Variants in KY observed in about 807,000 individuals in gnomAD.
The protein encoded by KY is kyphoscoliosis peptidase.
KY carries 43 observed loss-of-function variants against 76.1 expected under a neutral mutation model. That is an observed-to-expected ratio of 0.57 (90% CI 0.44 to 0.73). The LOEUF (loss-of-function observed/expected upper bound fraction) is 0.73, where lower values mean the gene tolerates loss of function less well. Ranked by LOEUF, KY falls within the 30% of genes least tolerant of loss-of-function variation. The pLI, the probability that KY is intolerant of heterozygous loss-of-function variation, is 0.00. For synonymous variants in KY, 277 were observed against 326.2 expected (o/e 0.85, Z 1.63); for missense variants, 722 against 828.9 (o/e 0.87, Z 1.58).
At chr3:134,613,051 C>G (rs1960818749) in intron 8 of KY, 1 of 154,278 alleles carries the variant, frequency 6.5e-6, no homozygotes, top group South Asian at 2.0e-4. Flanking sequence ...ATATCACTTT[C>G]TAGGATGATG....
chr3:134,626,571 C>G (rs530414247), intron 5 of KY, among the ~76,000 whole-genome samples: 1 of 152,292 alleles, frequency 6.6e-6, no homozygotes, highest in African/African-American at 2.4e-5. Context: ...TTTGCCCACA[C>G]GTCGTCAGGG....
intron 1 of KY, among the ~76,000 whole-genome samples, chr3:134,647,890 G>T (rs765111274): frequency 8.5e-5 from 13 of 152,282 alleles, no homozygotes; most frequent in South Asian, 2.1e-4. Context: ...GATATAGAGT[G>T]GGGGGAGTGG....
chr3:134,630,096 A>G (rs1344526172), intron 3 of KY, among the ~76,000 whole-genome samples: 2 of 152,268 alleles, frequency 1.3e-5, no homozygotes, highest in Non-Finnish European at 2.9e-5. Flanking sequence ...ACTTAAAGGC[A>G]TTCCCAAACC....
chr3:134,638,814 C>T (rs1273235645), intron 3 of KY, among the ~76,000 whole-genome samples: 3 of 152,238 alleles, frequency 2.0e-5, no homozygotes, highest in Non-Finnish European at 4.4e-5. Flanking sequence ...CTCAGAACAC[C>T]TAACGCAGTA....
chr3:134,645,221 G>C lies in KY; in HGVS notation c.200-1843C>G, dbSNP rs571148888. On this transcript the variant is annotated intron_variant, in intron 2 of 10. Transcript: ENST00000423778. ...CCGTTGCTGGGCAAGCTATTGGGGT[G>C]GGGTAGGAGGGTGAGGAGGCGGCTG... Among the ~76,000 whole-genome samples, 32 of 152,306 alleles carry C rather than the reference G, an allele frequency of 2.1e-4. No individual in the cohort carries two copies. In the East Asian group the frequency reaches 6.2e-3, roughly 29 times the overall value.
chr3:134,645,707 C>A (rs1301306535), intron 2 of KY, among the ~76,000 whole-genome samples: 2 of 152,154 alleles, frequency 1.3e-5, no homozygotes, highest in Non-Finnish European at 2.9e-5. Flanking sequence ...TCTGTCCAGC[C>A]CTGCATTTAC....
chr3:134,623,838 C>G (rs760672755), intron 6 of KY, among the ~76,000 whole-genome samples: 13 of 152,066 alleles, frequency 8.5e-5, no homozygotes, highest in Non-Finnish European at 1.8e-4. Flanking sequence ...CCTCCCTGGA[C>G]CTTCCAGAAC....
rs534100293 is a variant in KY, at chr3:134,602,463, G to C, written c.*1116C>G. On this transcript the variant is annotated 3_prime_UTR_variant, in exon 11 of 11. Coordinates refer to ENST00000423778, the MANE Select transcript of KY (RefSeq NM_178554.6). ...GGAGACGGGATAGGATGTTTTCTCC[G>C]AGACAGGCACAAAAGCTGCTCTCGT... is the stretch of plus-strand genomic sequence containing the variant. Among the ~76,000 whole-genome samples the C allele has an allele frequency of 6.6e-5, 10 of 152,280 alleles. No homozygotes were observed. Among genetic ancestry groups the C allele is most frequent in the South Asian group, 2.1e-4 (1 of 4,824 alleles).
In KY at chr3:134,603,789, G is replaced by A. The variant is rs753076111; in HGVS notation, c.1776C>T (p.Asn592=). Residue 592 remains asparagine (N), a synonymous_variant, in exon 11 of 11, where the codon AAC becomes AAT. Transcript: ENST00000423778. ...GCTTCAATTTGAATGGGACATTCCGGTTGGCAGGAAGCACACCTGACAGAG... is the reference window on the plus strand; with the variant it reads ...GCTTCAATTTGAATGGGACATTCCGATTGGCAGGAAGCACACCTGACAGAG... ...LEPLSGVLPA[N]RNVPFKLKLH... is the part of the protein sequence containing the mutation. 2 of 1,613,276 alleles carry A rather than the reference G, an allele frequency of 1.2e-6. No individual in the cohort carries two copies. Among genetic ancestry groups the A allele is most frequent in the Non-Finnish European group, 1.7e-6 (2 of 1,179,414 alleles).
At chr3:134,608,167 T>C (rs1055617659) in intron 10 of KY, 3 of 1,160,948 alleles carry the variant, frequency 2.6e-6, no homozygotes, top group Non-Finnish European at 3.2e-6. Context: ...AGGCCATGTA[T>C]TCTCTCCAGC....
At chr3:134,628,940 G>A (rs965169866) in intron 4 of KY, among the ~76,000 whole-genome samples, 2 of 152,202 alleles carry the variant, frequency 1.3e-5, no homozygotes, top group Non-Finnish European at 2.9e-5. Context: ...TTGGCTCACT[G>A]CATGGACCTA....
chr3:134,616,071 A>G (rs1577647416), intron 8 of KY, among the ~76,000 whole-genome samples: 1 of 152,248 alleles, frequency 6.6e-6, no homozygotes, highest in African/African-American at 2.4e-5. Context: ...ACTCAAGAGC[A>G]GCAGTCTGGG....
chr3:134,619,651 G>C (rs1261114759), intron 7 of KY, among the ~76,000 whole-genome samples: 1 of 152,196 alleles, frequency 6.6e-6, no homozygotes, highest in Admixed American at 6.5e-5. Flanking sequence ...GGGGCACACA[G>C]AGCTCGTCTC....
chr3:134,640,732 T>A (rs1275617021), intron 3 of KY, among the ~76,000 whole-genome samples: 1 of 152,192 alleles, frequency 6.6e-6, no homozygotes, highest in Non-Finnish European at 1.5e-5. Flanking sequence ...AACCTGCTCT[T>A]CCTGCATCTC....
intron 3 of KY, among the ~76,000 whole-genome samples, chr3:134,635,130 C>A (rs1964749755): frequency 6.6e-6 from 1 of 152,196 alleles, no homozygotes; most frequent in Non-Finnish European, 1.5e-5. Context: ...TTCATAATCA[C>A]CCTGAACTGG....
Position 134,604,484 on chromosome 3 carries a change from G to T in KY, c.1091-10C>A. 6.3e-7 allele frequency: 1 copy of T among 1,595,064 alleles called. No individual in the cohort carries two copies. The highest frequency in any genetic ancestry group is 8.6e-7 in the Non-Finnish European group (1 of 1,168,714). ...GTGGCCTTCCCATTCACTGAGGAGA[G>T]AAAGTCAGGGTCAGCAGAGATGGGT... On this transcript the variant is annotated splice_polypyrimidine_tract_variant and intron_variant, in intron 10 of 10. Coordinates refer to ENST00000423778, the MANE Select transcript of KY (RefSeq NM_178554.6).
rs1201119374 is a variant in KY, at chr3:134,600,372, C to A, written c.*3207G>T. 6.6e-6 allele frequency among the ~76,000 whole-genome samples: 1 copy of A among 152,212 alleles called. No homozygotes were observed. Among genetic ancestry groups the A allele is most frequent in the African/African-American group, 2.4e-5 (1 of 41,458 alleles). On this transcript the variant is annotated 3_prime_UTR_variant, in exon 11 of 11. Coordinates refer to ENST00000423778, the MANE Select transcript of KY (RefSeq NM_178554.6). ...TCCTGCTTAACAACAGGAAATAGTTCTTTATGTCTAGCCGAAATCCTTCAT... is the reference window on the plus strand; with the variant it reads ...TCCTGCTTAACAACAGGAAATAGTTATTTATGTCTAGCCGAAATCCTTCAT...
rs969462151 is a variant in KY at position 134,622,696 on chromosome 3, TA to T, written c.484-1840del. Among the ~76,000 whole-genome samples the T allele has an allele frequency of 2.0e-5, 3 of 152,104 alleles. No individual in the cohort carries two copies. The East Asian group carries it at 5.8e-4, about 29-fold the overall frequency. On this transcript the variant is annotated intron_variant, in intron 6 of 10. Transcript: ENST00000423778. ...TGGCAAATTTTATGTTATTTTATGA[TA>T]AAAAAAGAACAAATTAGCTTTCTTC...
At position 134,608,856 on chromosome 3, in the gene KY, C is replaced by A. The variant is rs1364782295; in HGVS notation, c.900-17G>T. 2 of 1,596,746 alleles carry A rather than the reference C, an allele frequency of 1.3e-6. No homozygotes were observed. The highest frequency in any genetic ancestry group is 2.3e-5 in the South Asian group (2 of 88,268). ...TCATTGTAGCTGGAGCAGAGACAAG[C>A]TGGTTAGCAGCCAGCTCCATGCAGG... On this transcript the variant is annotated splice_polypyrimidine_tract_variant and intron_variant, in intron 9 of 10. Transcript: ENST00000423778.
Sources: allele counts gnomAD v4.1 joint callset (sites outside exome capture counted in the v4.1 genomes callset), GRCh38; gene constraint gnomAD v4.1.1; transcripts MANE v1.5; gene names NCBI Gene and HGNC (gene_info 2026-07-23, HGNC 2026-07-21).